ZNF793: variants seen among roughly 807,000 people sequenced by gnomAD.
The protein encoded by ZNF793 is zinc finger protein 793.
In ZNF793, 5 loss-of-function variants were observed where a neutral mutation model predicts 12.4. That is an observed-to-expected ratio of 0.40 (90% CI 0.21 to 0.84). The LOEUF (loss-of-function observed/expected upper bound fraction) is 0.84, where lower values mean the gene tolerates loss of function less well. ZNF793 is among the 40% of genes least tolerant of loss of function. ZNF793 has a pLI of 0.35. For missense variants in ZNF793, 456 were observed against 495.0 expected (o/e 0.92, Z 0.75); for synonymous variants, 162 against 172.4 (o/e 0.94, Z 0.47).
At chr19:37,513,553 A>G (rs1446445856) in intron 2 of ZNF793, among the ~76,000 whole-genome samples, 1 of 152,222 alleles carries the variant, frequency 6.6e-6, no homozygotes, top group African/African-American at 2.4e-5. Flanking sequence ...AACAGTTGTC[A>G]CATCATGTGA....
In ZNF793 at chr19:37,533,361, C is replaced by T. The variant is rs1248688570; in HGVS notation, c.196C>T (p.Pro66Ser). The part of the protein sequence containing the change: ...VILRLEQEEA[P>S]WIGEAACPGC... ...CCTCAGACTGGAGCAGGAAGAAGCA[C>T]CATGGATTGGTGAGGCAGCATGCCC... is the stretch of plus-strand genomic sequence containing the variant. The change falls in exon 7 of 8, where the codon CCA becomes TCA. Residue 66 changes from proline (P) to serine (S), a missense_variant. Pro to Ser is a moderately conservative substitution (Grantham distance 74). Coordinates refer to ENST00000627814, the MANE Select transcript of ZNF793 (RefSeq NM_001013659.3). 6.2e-6 allele frequency: 10 copies of T among 1,613,974 alleles called. No homozygotes were observed. Among genetic ancestry groups the T allele is most frequent in the Non-Finnish European group, 8.5e-6 (10 of 1,179,890 alleles).
intron 2 of ZNF793, among the ~76,000 whole-genome samples, chr19:37,514,575 C>CAGATAGATAGATAGATAGAT (rs57773647): frequency 1.6e-3 from 244 of 149,276 alleles, no homozygotes; most frequent in Middle Eastern, 6.8e-3. Context: ...GATAGATAGA[C>CAGATAGATAGATAGATAGAT]AGATAGATAG....
intron 2 of ZNF793, among the ~76,000 whole-genome samples, chr19:37,518,603 G>A (rs1453134951): frequency 1.8e-5 from 2 of 109,570 alleles, no homozygotes; most frequent in African/African-American, 3.6e-5. Context: ...AGACCAGCCC[G>A]AAAAACATGG....
intron 2 of ZNF793, among the ~76,000 whole-genome samples, chr19:37,515,637 T>A (rs967446459): frequency 4.6e-5 from 7 of 152,160 alleles, no homozygotes; most frequent in African/African-American, 1.7e-4. Flanking sequence ...AGTCAGTAAT[T>A]AAAAGGATGA....
chr19:37,534,584 ATCT>A (rs1160048646), intron 7 of ZNF793: 1 of 151,882 alleles, frequency 6.6e-6, no homozygotes, highest in Non-Finnish European at 1.5e-5. Context: ...GTCATTTTGA[ATCT>A]TCTGCCTTTA....
chr19:37,527,931 C>T (rs2042428941), intron 5 of ZNF793, among the ~76,000 whole-genome samples: 1 of 148,844 alleles, frequency 6.7e-6, no homozygotes, highest in Admixed American at 6.7e-5. Context: ...CCAGCCTGGA[C>T]AACATGGTGA....
chr19:37,507,628 G>C, intron 1 of ZNF793, among the ~76,000 whole-genome samples: 1 of 152,316 alleles, frequency 6.6e-6, no homozygotes, highest in South Asian at 2.1e-4. Context: ...ATAGAGTCAA[G>C]TGTGCTTATC....
Position 37,536,924 on chromosome 19 carries a change from G to A in ZNF793, c.266G>A (p.Arg89Lys). The A allele has an allele frequency of 6.2e-7, 1 of 1,611,850 alleles. No homozygotes were observed. The highest frequency in any genetic ancestry group is 8.5e-7 in the Non-Finnish European group (1 of 1,179,290). The change falls in exon 8 of 8, where the codon AGG becomes AAG. Residue 89 changes from arginine (R) to lysine (K), a missense_variant. Physicochemically the swap from Arg to Lys is conservative, Grantham distance 26. Coordinates refer to ENST00000627814, the MANE Select transcript of ZNF793 (RefSeq NM_001013659.3). ...GACATCTGGCGAGTTAATATCCAGA[G>A]GAAAAGACGGCAAGACATGCTTTTG... ...WEDIWRVNIQ[R>K]KRRQDMLLRP...
At chr19:37,527,180 C>T (rs920360893) in intron 5 of ZNF793, among the ~76,000 whole-genome samples, 6 of 152,052 alleles carry the variant, frequency 3.9e-5, no homozygotes, top group African/African-American at 1.4e-4. Flanking sequence ...AACTCCTGAC[C>T]TCAGGTGATC....
At chr19:37,526,794 C>T (rs2042419111) in intron 5 of ZNF793, among the ~76,000 whole-genome samples, 1 of 152,234 alleles carries the variant, frequency 6.6e-6, no homozygotes, top group African/African-American at 2.4e-5. Flanking sequence ...GCCTGGGCTG[C>T]TCTCAGAGCC....
chr19:37,506,853 T>C (rs558987885), upstream of ZNF793: 49 of 152,256 alleles, frequency 3.2e-4, no homozygotes, highest in African/African-American at 9.6e-4. Context: ...AATTACAGCT[T>C]TGAGAAACCC....
chr19:37,526,409 G>A (rs1454270887), intron 5 of ZNF793, among the ~76,000 whole-genome samples: 1 of 152,076 alleles, frequency 6.6e-6, no homozygotes, highest in Non-Finnish European at 1.5e-5. Flanking sequence ...TACCACACCT[G>A]GCCACAACTT....
At chr19:37,512,766 A>G (rs2042303756) in intron 2 of ZNF793, among the ~76,000 whole-genome samples, 1 of 152,176 alleles carries the variant, frequency 6.6e-6, no homozygotes, top group Admixed American at 6.5e-5. Context: ...ACATTGAAAT[A>G]TTATTATCTG....
intron 5 of ZNF793, among the ~76,000 whole-genome samples, chr19:37,525,642 C>T (rs1176332139): frequency 1.3e-5 from 2 of 151,072 alleles, no homozygotes; most frequent in Admixed American, 6.6e-5. Flanking sequence ...TCGATGGTCT[C>T]GATCTCCTGA....
chr19:37,519,083 G>A (rs2042355825), intron 2 of ZNF793, among the ~76,000 whole-genome samples: 1 of 152,036 alleles, frequency 6.6e-6, no homozygotes, highest in Non-Finnish European at 1.5e-5. Flanking sequence ...TGGCTAACGC[G>A]GTGAAACCCT....
At chr19:37,527,582 A>G (rs1041347072) in intron 5 of ZNF793, among the ~76,000 whole-genome samples, 2 of 152,190 alleles carry the variant, frequency 1.3e-5, no homozygotes, top group African/African-American at 2.4e-5. Flanking sequence ...TAGTTTTCCC[A>G]GGGTAGGCTG....
intron 5 of ZNF793, among the ~76,000 whole-genome samples, chr19:37,529,786 C>A (rs1450379127): frequency 6.6e-6 from 1 of 152,202 alleles, no homozygotes; most frequent in Non-Finnish European, 1.5e-5. Context: ...AGCCACCATG[C>A]CTGGCCTGGA....
intron 6 of ZNF793, among the ~76,000 whole-genome samples, chr19:37,532,692 G>A (rs942833108): frequency 8.5e-5 from 13 of 152,056 alleles, no homozygotes; most frequent in Admixed American, 2.0e-4. Context: ...GGTGGCGGGC[G>A]CCTGTAATCC....
intron 5 of ZNF793, among the ~76,000 whole-genome samples, chr19:37,525,244 T>G (rs1335363105): frequency 6.6e-6 from 1 of 151,768 alleles, no homozygotes; most frequent in Non-Finnish European, 1.5e-5. Flanking sequence ...GTTCACGCCA[T>G]TCTCCTGCCT....
Sources: gnomAD v4.1 joint callset for allele counts (sites outside exome capture counted in the v4.1 genomes callset) on GRCh38, gnomAD v4.1.1 for gene constraint, MANE v1.5 for transcripts, NCBI Gene and HGNC (gene_info 2026-07-23, HGNC 2026-07-21) for gene names.